CD79B: variants seen among roughly 807,000 people sequenced by gnomAD.
CD79B encodes CD79b molecule.
In CD79B, 7 loss-of-function variants were observed where a neutral mutation model predicts 30.0. The observed-to-expected ratio is 0.23, with a 90% CI of 0.13 to 0.44. The LOEUF is 0.44. CD79B is among the 20% of genes least tolerant of loss of function. The pLI, the probability that CD79B is intolerant of heterozygous loss-of-function variation, is 1.00. For synonymous variants in CD79B, 118 were observed against 119.2 expected, an observed-to-expected ratio of 0.99 and a Z score of 0.07; for missense variants, 218 against 299.1, an observed-to-expected ratio of 0.73 and a Z score of 2.00.
chr17:63,930,798 G>T (rs111549842), intron 2 of CD79B, among the ~76,000 whole-genome samples: 20 of 151,740 alleles, frequency 1.3e-4, no homozygotes, highest in Non-Finnish European at 2.5e-4. Flanking sequence ...CGTTCCTCCA[G>T]GGATAAAGGC....
chr17:63,931,537 G>A, intron 1 of CD79B, 152 bp from the exon 2 acceptor site: 1 of 699,554 alleles, frequency 1.4e-6, no homozygotes, highest in Non-Finnish European at 2.5e-6. Context: ...CCCAGTACTT[G>A]GGAGACAGAT....
chr17:63,931,456 G>T, intron 1 of CD79B, 71 bp from the exon 2 acceptor site: 1 of 1,437,766 alleles, frequency 7.0e-7, no homozygotes, highest in East Asian at 2.3e-5. Context: ...ACCCCTGCAT[G>T]CCCTCTATGT....
At chr17:63,929,954 C>T in intron 3 of CD79B, 66 bp from the exon 4 acceptor site, 1 of 1,530,038 alleles carries the variant, frequency 6.5e-7, no homozygotes, top group East Asian at 2.2e-5. Context: ...ACAAGGGCAG[C>T]TCCCTCAGGT....
Position 63,931,360 on chromosome 17 carries a change from C to T in CD79B, c.93G>A (p.Ser31=), listed in dbSNP as rs776139623. The T allele has an allele frequency of 9.9e-6, 16 of 1,614,056 alleles. No individual in the cohort carries two copies. Among genetic ancestry groups the T allele is most frequent in the Admixed American group, 3.3e-5 (2 of 60,028 alleles). The part of the protein sequence containing the change: ...LSAEPVPAAR[S]EDRYRNPKGS... ...CTTTGGGATTCCGGTACCGGTCCTC[C>T]GATCTGGCTGCTGGTACTGGCTCAG... The change falls in exon 2 of 6, where the codon TCG becomes TCA. Residue 31 remains serine, a synonymous_variant. Transcript: ENST00000006750.
intron 2 of CD79B, 34 bp from the exon 3 acceptor site, chr17:63,930,419 T>C (rs1908055827): frequency 6.2e-7 from 1 of 1,600,094 alleles, no homozygotes; most frequent in African/African-American, 1.3e-5. Context: ...AGCATTCCGC[T>C]TGGCATCTTC....
At chr17:63,929,693 T>A in intron 4 of CD79B, 77 bp downstream of exon 4, 1 of 1,110,666 alleles carries the variant, frequency 9.0e-7, no homozygotes, top group East Asian at 2.4e-5. Context: ...GCTGGGGAGA[T>A]GGAGACCCTG....
In CD79B at chr17:63,929,908, G is replaced by A. The variant is rs369038821; in HGVS notation, c.431-20C>T. 4 of 1,591,358 alleles carry A rather than the reference G, an allele frequency of 2.5e-6. No homozygotes were observed. Among genetic ancestry groups the A allele is most frequent in the South Asian group, 2.2e-5 (2 of 90,638 alleles). On this transcript the variant is annotated intron_variant, in intron 3 of 5. Transcript: ENST00000006750. ...TGAATCCTGCGGGGACAGGGGTGGGGTTGTGAGCCTGGGCCACAGTCCACC... is the reference window on the plus strand; with the variant it reads ...TGAATCCTGCGGGGACAGGGGTGGGATTGTGAGCCTGGGCCACAGTCCACC...
intron 1 of CD79B, 101 bp from the exon 2 acceptor site, chr17:63,931,486 T>C: frequency 8.7e-7 from 1 of 1,150,358 alleles, no homozygotes; most frequent in Non-Finnish European, 1.3e-6. Context: ...TACTTCCTCC[T>C]TCCATGACAG....
rs1244210649 is a variant in CD79B at position 63,930,329 on chromosome 17, A to G, written c.175T>C (p.Phe59Leu). The G allele has an allele frequency of 1.2e-6, 2 of 1,614,162 alleles. No individual in the cohort carries two copies. The highest frequency in any genetic ancestry group is 2.2e-5 in the South Asian group (2 of 91,086). ...ATGTAGCAGTGCATTTTCACCGTGAAGCCCCGTTTCCTGGCTATGAAACGT... is the reference window on the plus strand; with the variant it reads ...ATGTAGCAGTGCATTTTCACCGTGAGGCCCCGTTTCCTGGCTATGAAACGT... Reference protein sequence around the residue: ...SPRFIARKRGFTVKMHCYMNS... With the variant: ...SPRFIARKRGLTVKMHCYMNS... Residue 59 changes from phenylalanine to leucine, a missense_variant, in exon 3 of 6, where the codon TTC (phenylalanine) becomes CTC (leucine). Phe to Leu is a conservative substitution (Grantham distance 22). Coordinates refer to ENST00000006750, the MANE Select transcript of CD79B (RefSeq NM_000626.4).
chr17:63,931,351 C>T lies in CD79B; in HGVS notation c.102G>A (p.Arg34=), dbSNP rs549278202. The change falls in exon 2 of 6, where the codon CGG becomes CGA. Residue 34 remains arginine (R), a synonymous_variant. Transcript: ENST00000006750. ...GCTACTGACCTTTGGGATTCCGGTA[C>T]CGGTCCTCCGATCTGGCTGCTGGTA... is the stretch of plus-strand genomic sequence containing the variant. The part of the protein sequence containing the change: ...EPVPAARSED[R]YRNPKGSACS... 5.5e-5 allele frequency: 88 copies of T among 1,613,950 alleles called. No homozygotes were observed. The highest frequency in any genetic ancestry group is 5.6e-5 in the Non-Finnish European group (66 of 1,180,026).
Position 63,930,160 on chromosome 17 carries a change from T to C in CD79B, c.344A>G (p.Glu115Gly). The change falls in exon 3 of 6, where the codon GAG (glutamate) becomes GGG (glycine). Residue 115 changes from glutamate (E) to glycine (G), a missense_variant. Transcript: ENST00000006750. ...CTGACAGAAGTAGATGCCATTGTCC[T>C]CAAACCGGATGCCTTGGATGGTGAG... ...ATLTIQGIRF[E>G]DNGIYFCQQK... 2.5e-6 allele frequency: 4 copies of C among 1,614,238 alleles called. No individual in the cohort carries two copies. Among genetic ancestry groups the C allele is most frequent in the Non-Finnish European group, 3.4e-6 (4 of 1,180,020 alleles).
intron 2 of CD79B, 162 bp from the exon 3 acceptor site, chr17:63,930,547 A>T: frequency 1.5e-6 from 1 of 682,794 alleles, no homozygotes; most frequent in South Asian, 1.7e-5. Flanking sequence ...TGGGAAGCAG[A>T]GCCACGTGAG....
chr17:63,932,296 CA>C lies in CD79B; in HGVS notation c.-36del. ...TCTGTCCCCGACCCCAAACCCGTGA[CA>C]ACGTCCGAGGCTCCTTGGAGGAAAA... is the stretch of plus-strand genomic sequence containing the variant. On this transcript the variant is annotated 5_prime_UTR_variant, in exon 1 of 6. Transcript: ENST00000006750. 1 of 1,601,548 alleles carries C rather than the reference CA, an allele frequency of 6.2e-7. No homozygotes were observed. The highest frequency in any genetic ancestry group is 8.5e-7 in the Non-Finnish European group (1 of 1,173,430).
At chr17:63,931,169 G>T (rs1908097739) in intron 2 of CD79B, 166 bp downstream of exon 2, 2 of 713,136 alleles carry the variant, frequency 2.8e-6, no homozygotes, top group Non-Finnish European at 2.6e-6. Flanking sequence ...GTGGGCTGGG[G>T]GTGGGGCTCA....
At chr17:63,929,678 C>G (rs758820759) in intron 4 of CD79B, 92 bp downstream of exon 4, 3 of 1,044,662 alleles carry the variant, frequency 2.9e-6, no homozygotes, top group African/African-American at 3.1e-5. Flanking sequence ...AAGGCCACAA[C>G]GAGAGCTGGG....
intron 4 of CD79B, 41 bp downstream of exon 4, chr17:63,929,729 T>G: frequency 7.0e-7 from 1 of 1,438,490 alleles, no homozygotes; most frequent in Non-Finnish European, 9.7e-7. Context: ...TGCGGTGGCC[T>G]CCTCTGCGGT....
chr17:63,932,280 G>C lies in CD79B; in HGVS notation c.-19C>G, dbSNP rs535945175. The C allele has an allele frequency of 3.0e-4, 488 of 1,609,996 alleles. 8 individuals are homozygous for C. In the South Asian group the frequency reaches 5.1e-3, roughly 17 times the overall value. ...TGGCCATGGTCACCGCTCTGTCCCC[G>C]ACCCCAAACCCGTGACAACGTCCGA... On this transcript the variant is annotated 5_prime_UTR_variant, in exon 1 of 6. Transcript: ENST00000006750.
chr17:63,929,753 C>A lies in CD79B; in HGVS notation c.549+17G>T. 2 of 1,574,204 alleles carry A rather than the reference C, an allele frequency of 1.3e-6. No homozygotes were observed. The highest frequency in any genetic ancestry group is 1.7e-4 in the Middle Eastern group (1 of 5,980). On this transcript the variant is annotated intron_variant, in intron 4 of 5. Coordinates refer to ENST00000006750, the MANE Select transcript of CD79B (RefSeq NM_000626.4). Reference sequence around the variant, plus strand: ...CTCCTCTGCGGTCCCCCAAGGCTTCCCCCGTCCCCTGATCACCTTGTCCAG... The same window carrying A: ...CTCCTCTGCGGTCCCCCAAGGCTTCACCCGTCCCCTGATCACCTTGTCCAG...
chr17:63,930,916 G>C (rs1908084373), intron 2 of CD79B: 1 of 305,840 alleles, frequency 3.3e-6, no homozygotes, highest in African/African-American at 2.1e-5. Context: ...TCCACTTCTT[G>C]TTCCAGAACC....
Sources: gnomAD v4.1 joint callset for allele counts (sites outside exome capture counted in the v4.1 genomes callset) on GRCh38, gnomAD v4.1.1 for gene constraint, MANE v1.5 for transcripts, NCBI Gene and HGNC (gene_info 2026-07-23, HGNC 2026-07-21) for gene names.